VPS53: variants seen among roughly 807,000 people sequenced by gnomAD.
VPS53 encodes VPS53 subunit of GARP complex, also known as vacuolar protein sorting-associated protein 53 homolog.
VPS53 carries 70 observed loss-of-function variants against 107.0 expected under a neutral mutation model. The observed-to-expected ratio is 0.65, with a 90% CI of 0.54 to 0.80. VPS53 has a LOEUF of 0.80. Among genes scored for constraint, VPS53 ranks in the 30% least tolerant of loss-of-function variants. The probability of loss-of-function intolerance (pLI) is 0.00; values close to 1 mark genes in which losing one functional copy is unlikely to be tolerated. For missense variants in VPS53, 917 were observed against 1,049.4 expected, an observed-to-expected ratio of 0.87 and a Z score of 1.74; for synonymous variants, 409 against 393.3, an observed-to-expected ratio of 1.04 and a Z score of -0.47.
At chr17:523,921 T>A (rs961137789) in intron 19 of VPS53, among the ~76,000 whole-genome samples, 4 of 152,240 alleles carry the variant, frequency 2.6e-5, no homozygotes, top group Non-Finnish European at 5.9e-5. Flanking sequence ...TGGAAATGAC[T>A]GCTGCTTTTC....
intron 17 of VPS53, among the ~76,000 whole-genome samples, chr17:544,517 A>T (rs544860582): frequency 6.6e-6 from 1 of 152,338 alleles, no homozygotes; most frequent in South Asian, 2.1e-4. Flanking sequence ...TCCTGCATAA[A>T]GAGGCACTGT....
chr17:608,434 C>T (rs1022688369), intron 11 of VPS53, among the ~76,000 whole-genome samples: 6 of 152,028 alleles, frequency 3.9e-5, no homozygotes, highest in Non-Finnish European at 5.9e-5. Context: ...AAAAAGCCTG[C>T]GTATATGTGT....
chr17:509,647 C>T lies in VPS53; in HGVS notation c.*9481G>A, dbSNP rs997655511. 7.0e-5 allele frequency: 12 copies of T among 171,768 alleles called. No individual in the cohort carries two copies. Among genetic ancestry groups the T allele is most frequent in the Non-Finnish European group, 1.1e-4 (9 of 80,302 alleles). The allele number at this position is 171,768 out of a possible 1,614,324, so 10.6% of individuals were successfully genotyped here. ...ATCCTGGCTCGCCCCTCACTGGTCA[C>T]GTATCGCATCCTGGCTCGCCCCTCA... On this transcript the variant is annotated 3_prime_UTR_variant, in exon 22 of 22. Transcript: ENST00000437048.
At chr17:714,456 T>C (rs1182288135) in intron 1 of VPS53, 167 bp downstream of exon 1, 6 of 629,568 alleles carry the variant, frequency 9.5e-6, no homozygotes, top group Admixed American at 6.0e-5. Flanking sequence ...TTTCCTTTCC[T>C]TCTGATTCAG....
In VPS53 at chr17:618,458, G is replaced by A. The variant is rs180672937; in HGVS notation, c.1116+5075C>T. ...TGGGACGACAGGCGTGCGCCACTACGCCCCACTAATATTTCCCGGGTAGCT... is the reference window on the plus strand; with the variant it reads ...TGGGACGACAGGCGTGCGCCACTACACCCCACTAATATTTCCCGGGTAGCT... On this transcript the variant is annotated intron_variant, in intron 11 of 21. Transcript: ENST00000437048. Among the ~76,000 whole-genome samples the A allele has an allele frequency of 1.0e-3, 145 of 140,198 alleles. 5 individuals carry two copies. Among genetic ancestry groups the A allele is most frequent in the Admixed American group, 4.4e-3 (58 of 13,224 alleles). The allele number at this position is 140,198 out of a possible 152,430, so 92.0% of individuals were successfully genotyped here. A position where few individuals can be genotyped will look rare whatever the true frequency, so the allele number is the denominator to read the frequency against.
intron 4 of VPS53, among the ~76,000 whole-genome samples, chr17:692,519 G>C (rs537581441): frequency 6.6e-6 from 1 of 152,090 alleles, no homozygotes. Context: ...TTAACCAAGC[G>C]GCTGGTATTT....
chr17:626,620 G>C (rs571968937), intron 10 of VPS53, among the ~76,000 whole-genome samples: 1 of 152,094 alleles, frequency 6.6e-6, no homozygotes, highest in African/African-American at 2.4e-5. Context: ...GTGGCAGTGA[G>C]CTGGGATTGT....
intron 13 of VPS53, among the ~76,000 whole-genome samples, chr17:571,540 T>TTTTC (rs1914073892): frequency 7.8e-6 from 1 of 128,778 alleles, no homozygotes; most frequent in Non-Finnish European, 1.8e-5. Flanking sequence ...ACGGTCTCCC[T>TTTTC]CTCCCCACGG....
chr17:551,833 T>A, intron 17 of VPS53, 39 bp downstream of exon 17: 1 of 1,532,472 alleles, frequency 6.5e-7, no homozygotes, highest in Non-Finnish European at 8.8e-7. Flanking sequence ...CTTGGGCTGC[T>A]CTCGTTAGTT....
chr17:560,212 T>C (rs1267551059), intron 15 of VPS53, among the ~76,000 whole-genome samples: 1 of 152,240 alleles, frequency 6.6e-6, no homozygotes, highest in Non-Finnish European at 1.5e-5. Flanking sequence ...CAGTCATACT[T>C]TCTTGCCCAG....
At chr17:568,258 T>A (rs146718268) in intron 13 of VPS53, among the ~76,000 whole-genome samples, 2,551 of 152,236 alleles carry the variant, frequency 0.017, 30 homozygotes, top group Middle Eastern at 0.031. Flanking sequence ...TTATTTATTT[T>A]TTTATTTTTT....
rs182317208 is a variant in VPS53 at position 707,062 on chromosome 17, G to A, written c.168+3471C>T. On this transcript the variant is annotated intron_variant, in intron 2 of 21. Coordinates refer to ENST00000437048, the MANE Select transcript of VPS53 (RefSeq NM_001128159.3). ...CAGAGCAGGGTGCGAACGTCCCCACGGGGTCTGCCACACTGCCCCCTGGGG... is the reference window on the plus strand; with the variant it reads ...CAGAGCAGGGTGCGAACGTCCCCACAGGGTCTGCCACACTGCCCCCTGGGG... Among the ~76,000 whole-genome samples, 153 of 152,306 alleles carry A rather than the reference G, an allele frequency of 1.0e-3. 1 individual carries two copies. Among genetic ancestry groups the A allele is most frequent in the African/African-American group, 3.4e-3 (140 of 41,572 alleles).
intron 18 of VPS53, among the ~76,000 whole-genome samples, chr17:536,263 C>T (rs1194591235): frequency 2.0e-5 from 3 of 152,174 alleles, no homozygotes; most frequent in East Asian, 1.9e-4. Context: ...GTGCCTTCCT[C>T]GGACCAAGAG....
intron 12 of VPS53, among the ~76,000 whole-genome samples, chr17:588,326 C>G (rs1400632106): frequency 1.3e-5 from 2 of 151,952 alleles, no homozygotes; most frequent in East Asian, 3.8e-4. Flanking sequence ...CAAAAACAAA[C>G]AAACAAACAA....
intron 2 of VPS53, among the ~76,000 whole-genome samples, chr17:709,871 G>A (rs1240923780): frequency 6.6e-6 from 1 of 152,172 alleles, no homozygotes; most frequent in Admixed American, 6.5e-5. Flanking sequence ...TTGAGGCCGG[G>A]CGCAGTGGCT....
chr17:692,224 C>T (rs1015455834), intron 4 of VPS53, among the ~76,000 whole-genome samples: 1 of 152,126 alleles, frequency 6.6e-6, no homozygotes, highest in Non-Finnish European at 1.5e-5. Context: ...CTTTCACCTA[C>T]GTTCAAGCCA....
rs140825453 is a variant in VPS53 at position 533,048 on chromosome 17, T to C, written c.2016-137A>G. Reference sequence around the variant, plus strand: ...CGAAGTGGACTCCACTGTTGCCCATTATCTTATTTTTCTTCTGAGTGAAGT... The same window carrying C: ...CGAAGTGGACTCCACTGTTGCCCATCATCTTATTTTTCTTCTGAGTGAAGT... On this transcript the variant is annotated intron_variant, in intron 18 of 21. Coordinates refer to ENST00000437048, the MANE Select transcript of VPS53 (RefSeq NM_001128159.3). The C allele has an allele frequency of 2.4e-4, 336 of 1,402,358 alleles. No homozygotes were observed. In the African/African-American group the frequency reaches 3.8e-3, roughly 16 times the overall value. 86.9% of individuals were successfully genotyped at this position (1,402,358 alleles called of 1,614,324 possible).
chr17:593,156 A>G (rs1304486251), intron 12 of VPS53, among the ~76,000 whole-genome samples: 4 of 152,268 alleles, frequency 2.6e-5, no homozygotes, highest in East Asian at 3.9e-4. Context: ...ACAAAAATCA[A>G]TTCAAGATGG....
intron 15 of VPS53, among the ~76,000 whole-genome samples, chr17:559,583 G>A (rs1008866255): frequency 6.6e-6 from 1 of 152,228 alleles, no homozygotes; most frequent in African/African-American, 2.4e-5. Flanking sequence ...ATGTGCCACT[G>A]AGGGGCCTTG....
Sources: gnomAD v4.1 joint callset for allele counts (sites outside exome capture counted in the v4.1 genomes callset) on GRCh38, gnomAD v4.1.1 for gene constraint, MANE v1.5 for transcripts, NCBI Gene and HGNC (gene_info 2026-07-23, HGNC 2026-07-21) for gene names.